The following ANK3 variants were observed in gnomAD, a reference collection of about 807,000 sequenced individuals.
ANK3 encodes the protein ankyrin 3, also known as ankyrin-3.
A neutral mutation model predicts 370.9 loss-of-function variants in ANK3; 57 were observed. That is an observed-to-expected ratio of 0.15 (90% CI 0.12 to 0.19). ANK3 has a LOEUF of 0.19. Among genes scored for constraint, ANK3 ranks in the 10% least tolerant of loss-of-function variants. The pLI, the probability that ANK3 is intolerant of heterozygous loss-of-function variation, is 1.00. For missense variants in ANK3, 4,439 were observed against 5,302.1 expected, an observed-to-expected ratio of 0.84 and a Z score of 5.06; for synonymous variants, 1,929 against 1,946.3, an observed-to-expected ratio of 0.99 and a Z score of 0.23.
chr10:60,172,422 G>A lies in ANK3; in HGVS notation c.2383-19C>T. ...TCCCATTCTGGCAAAAGGAAAATGT[G>A]AGTGAGGAATTAGCAAGCCTTATTC... On this transcript the variant is annotated intron_variant, in intron 20 of 43. Transcript: ENST00000280772. 6.2e-7 allele frequency: 1 copy of A among 1,607,134 alleles called. No homozygotes were observed.
At chr10:60,442,824 T>A (rs2064333780) in intron 2 of ANK3, among the ~76,000 whole-genome samples, 1 of 152,204 alleles carries the variant, frequency 6.6e-6, no homozygotes, top group Non-Finnish European at 1.5e-5. Context: ...GTTGTTGTTA[T>A]CCCCATTTGA....
At chr10:60,253,894 CA>C (rs2097700703) in intron 7 of ANK3, among the ~76,000 whole-genome samples, 1 of 152,036 alleles carries the variant, frequency 6.6e-6, no homozygotes, top group African/African-American at 2.4e-5. Flanking sequence ...GATAAACATT[CA>C]AATGCCAAAA....
intron 33 of ANK3, 95 bp from the exon 34 acceptor site, chr10:60,082,832 T>C: frequency 7.2e-7 from 1 of 1,383,424 alleles, no homozygotes; most frequent in South Asian, 1.4e-5. Context: ...TATCAAGCCC[T>C]ATGAGAGGCA....
intron 38 of ANK3, 148 bp from the exon 39 acceptor site, chr10:60,064,436 G>T (rs559372983): frequency 4.1e-4 from 317 of 781,204 alleles, no homozygotes; most frequent in Non-Finnish European, 5.7e-4. Flanking sequence ...TATATACTTG[G>T]CTTCATAGCA....
intron 2 of ANK3, among the ~76,000 whole-genome samples, chr10:60,590,249 T>G (rs1474233141): frequency 6.6e-6 from 1 of 152,184 alleles, no homozygotes; most frequent in Non-Finnish European, 1.5e-5. Context: ...TGAATAGGGA[T>G]GTACTGTAAA....
At chr10:60,654,437 T>C (rs2078835051) in intron 1 of ANK3, among the ~76,000 whole-genome samples, 1 of 152,224 alleles carries the variant, frequency 6.6e-6, no homozygotes, top group Non-Finnish European at 1.5e-5. Context: ...GGATTTTTCA[T>C]AGATGTCTTT....
At chr10:60,502,730 G>C (rs1234459338) in intron 2 of ANK3, among the ~76,000 whole-genome samples, 1 of 145,264 alleles carries the variant, frequency 6.9e-6, no homozygotes, top group Non-Finnish European at 1.5e-5. Flanking sequence ...GGGAAAGAAA[G>C]AAAGGAAGAG....
intron 2 of ANK3, among the ~76,000 whole-genome samples, chr10:60,599,040 C>T (rs182054063): frequency 8.3e-4 from 126 of 152,222 alleles, no homozygotes; most frequent in Non-Finnish European, 1.6e-3. Flanking sequence ...GCAATCCTCC[C>T]ACCTGAGCCT....
chr10:60,196,304 A>C, intron 15 of ANK3, 61 bp from the exon 16 acceptor site: 1 of 1,442,456 alleles, frequency 6.9e-7, no homozygotes, highest in Non-Finnish European at 9.7e-7. Flanking sequence ...AGAGGCTTAG[A>C]TTGAGGAAAT....
intron 2 of ANK3, among the ~76,000 whole-genome samples, chr10:60,574,080 G>T (rs1009111392): frequency 6.6e-6 from 1 of 152,156 alleles, no homozygotes; most frequent in African/African-American, 2.4e-5. Context: ...TTGAGGACAT[G>T]ACGCTAAAAT....
chr10:60,245,564 T>A (rs1394333038), intron 7 of ANK3, among the ~76,000 whole-genome samples: 1 of 152,240 alleles, frequency 6.6e-6, no homozygotes, highest in Non-Finnish European at 1.5e-5. Flanking sequence ...TGGATTTGCC[T>A]ATTCTAGATC....
chr10:60,253,571 A>G (rs2097696918), intron 7 of ANK3, among the ~76,000 whole-genome samples: 1 of 152,230 alleles, frequency 6.6e-6, no homozygotes, highest in South Asian at 2.1e-4. Context: ...ATAAGAGCAA[A>G]TCTATGTAAA....
intron 1 of ANK3, among the ~76,000 whole-genome samples, chr10:60,700,663 A>C (rs887357184): frequency 1.6e-4 from 25 of 152,362 alleles, no homozygotes; most frequent in Non-Finnish European, 5.9e-5. Flanking sequence ...AATTACTTCT[A>C]ATTGCAAATG....
chr10:60,274,405 G>T (rs928108552), intron 4 of ANK3, among the ~76,000 whole-genome samples: 1 of 152,152 alleles, frequency 6.6e-6, no homozygotes, highest in Non-Finnish European at 1.5e-5. Context: ...TTGGTCACCA[G>T]TGCCCACACA....
intron 2 of ANK3, among the ~76,000 whole-genome samples, chr10:60,568,582 T>A (rs757047223): frequency 6.6e-6 from 1 of 152,174 alleles, no homozygotes; most frequent in Non-Finnish European, 1.5e-5. Flanking sequence ...TAGCCAGTAA[T>A]TGAAGGCTCT....
intron 1 of ANK3, among the ~76,000 whole-genome samples, chr10:60,641,750 G>T (rs1356230213): frequency 6.6e-6 from 1 of 152,056 alleles, no homozygotes; most frequent in Admixed American, 6.5e-5. Context: ...AACACCAAAA[G>T]CAATGGCAAC....
At chr10:60,617,272 T>C in intron 1 of ANK3, among the ~76,000 whole-genome samples, 1 of 152,076 alleles carries the variant, frequency 6.6e-6, no homozygotes, top group South Asian at 2.1e-4. Context: ...TACTTATGCT[T>C]GTCCTCCCAG....
intron 27 of ANK3, 40 bp downstream of exon 27, chr10:60,108,790 C>A: frequency 6.5e-7 from 1 of 1,540,740 alleles, no homozygotes; most frequent in Non-Finnish European, 9.0e-7. Flanking sequence ...ATCAAAGATG[C>A]ATTGTGAGGG....
At chr10:60,152,264 G>T (rs1565338253) in intron 23 of ANK3, among the ~76,000 whole-genome samples, 1 of 152,150 alleles carries the variant, frequency 6.6e-6, no homozygotes, top group Non-Finnish European at 1.5e-5. Flanking sequence ...CCAGCCTCTT[G>T]CCTATTTCTG....
Sources: allele counts gnomAD v4.1 joint callset (sites outside exome capture counted in the v4.1 genomes callset), GRCh38; gene constraint gnomAD v4.1.1; transcripts MANE v1.5; gene names NCBI Gene and HGNC (gene_info 2026-07-23, HGNC 2026-07-21).